Variants in ELAPOR1 observed in about 807,000 individuals in gnomAD.
The protein encoded by ELAPOR1 is endosome/lysosome-associated apoptosis and autophagy regulator 1.
A neutral mutation model predicts 119.7 loss-of-function variants in ELAPOR1; 77 were observed. That is an observed-to-expected ratio of 0.64 (90% CI 0.54 to 0.78). The LOEUF is 0.78. Among genes scored for constraint, ELAPOR1 ranks in the 30% least tolerant of loss-of-function variants. The pLI is 0.00. For synonymous variants in ELAPOR1, 481 were observed against 487.2 expected, an observed-to-expected ratio of 0.99 and a Z score of 0.17; for missense variants, 1,115 against 1,270.4, an observed-to-expected ratio of 0.88 and a Z score of 1.86.
At chr1:109,179,216 C>G (rs1242680546) in intron 7 of ELAPOR1, among the ~76,000 whole-genome samples, 1 of 151,566 alleles carries the variant, frequency 6.6e-6, no homozygotes, top group Non-Finnish European at 1.5e-5. Context: ...GCCTGGGCAA[C>G]ATGGTGAAAC....
intron 1 of ELAPOR1, among the ~76,000 whole-genome samples, chr1:109,149,031 C>T (rs1650359703): frequency 6.6e-6 from 1 of 152,100 alleles, no homozygotes; most frequent in Non-Finnish European, 1.5e-5. Context: ...TGTCAGCGAC[C>T]AGGGTTTCTC....
rs150398954 is a variant in ELAPOR1 at position 109,138,834 on chromosome 1, C to CAAAAAAAAAAAA, written c.154-23054_154-23043dup. 1.8e-3 allele frequency among the ~76,000 whole-genome samples: 197 copies of CAAAAAAAAAAAA among 107,260 alleles called. 6 individuals are homozygous for CAAAAAAAAAAAA. Among genetic ancestry groups the CAAAAAAAAAAAA allele is most frequent in the African/African-American group, 7.0e-3 (186 of 26,470 alleles). 70.4% of individuals were successfully genotyped at this position (107,260 alleles called of 152,430 possible). ...GGGCAACAAGAGTGAAACTCCATCTCAAAAAAAAAAAAAAAAAGAATCTTC... is the reference window on the plus strand; with the variant it reads ...GGGCAACAAGAGTGAAACTCCATCTCAAAAAAAAAAAAAAAAAAAAAAAAAAAAAGAATCTTC... On this transcript the variant is annotated intron_variant, in intron 1 of 21. Coordinates refer to ENST00000369939, the MANE Select transcript of ELAPOR1 (RefSeq NM_020775.5).
chr1:109,204,582 G>T lies in ELAPOR1; in HGVS notation c.*1570G>T. The T allele has an allele frequency of 6.6e-6, 1 of 152,382 alleles. No individual in the cohort carries two copies. The highest frequency in any genetic ancestry group is 1.5e-5 in the Non-Finnish European group (1 of 68,078). The allele number at this position is 152,382 out of a possible 1,614,324, so 9.4% of individuals were successfully genotyped here. A position where few individuals can be genotyped will look rare whatever the true frequency, so the allele number is the denominator to read the frequency against. ...GCACAAGGAGGCCAAGATTTTAATGGGGCACTTTAGGGGATACAGCCCACA... is the reference window on the plus strand; with the variant it reads ...GCACAAGGAGGCCAAGATTTTAATGTGGCACTTTAGGGGATACAGCCCACA... On this transcript the variant is annotated 3_prime_UTR_variant, in exon 22 of 22. Coordinates refer to ENST00000369939, the MANE Select transcript of ELAPOR1 (RefSeq NM_020775.5).
intron 1 of ELAPOR1, among the ~76,000 whole-genome samples, chr1:109,127,662 G>A (rs1648878395): frequency 6.6e-6 from 1 of 152,038 alleles, no homozygotes; most frequent in Non-Finnish European, 1.5e-5. Flanking sequence ...GAGCTTCTGG[G>A]CTCAAGTGAT....
chr1:109,194,337 C>CAG, intron 14 of ELAPOR1, 84 bp from the exon 15 acceptor site: 1 of 1,283,534 alleles, frequency 7.8e-7, no homozygotes, highest in Admixed American at 1.8e-5. Context: ...CGGGACCAGA[C>CAG]GGGGGAGAAA....
chr1:109,123,963 C>T (rs746894801), intron 1 of ELAPOR1, among the ~76,000 whole-genome samples: 13 of 151,832 alleles, frequency 8.6e-5, no homozygotes, highest in Non-Finnish European at 1.6e-4. Flanking sequence ...CCACCACGCC[C>T]AGCTAATTTT....
At chr1:109,191,284 A>C in intron 11 of ELAPOR1, 82 bp from the exon 12 acceptor site, 3 of 909,462 alleles carry the variant, frequency 3.3e-6, no homozygotes, top group Middle Eastern at 2.5e-4. Context: ...CCTGTCCCCC[A>C]GCAGACGCTC....
chr1:109,172,508 GC>G lies in ELAPOR1; in HGVS notation c.639del (p.Asn214MetfsTer8). 6.2e-7 allele frequency: 1 copy of G among 1,613,792 alleles called. No homozygotes were observed. The highest frequency in any genetic ancestry group is 1.1e-5 in the South Asian group (1 of 91,078). On this transcript the variant is annotated frameshift_variant, in exon 5 of 22. Coordinates refer to ENST00000369939, the MANE Select transcript of ELAPOR1 (RefSeq NM_020775.5). LOFTEE classifies it high-confidence loss of function. ...GTCAGGTTCAGAATGACCAGTGCCA[GC>G]CCAATGCAGATGACTCCAGGTGGAT... ...EFFVQNDQCQ[P>X]NADDSRWMKT...
At chr1:109,148,750 G>A (rs144489542) in intron 1 of ELAPOR1, among the ~76,000 whole-genome samples, 1 of 152,304 alleles carries the variant, frequency 6.6e-6, no homozygotes, top group East Asian at 1.9e-4. Flanking sequence ...TGACATGTAT[G>A]ATTAAAAGCT....
At position 109,203,055 on chromosome 1, in the gene ELAPOR1, C is replaced by G. The variant is rs760452491; in HGVS notation, c.*43C>G. ...ACCTGCCTCCTCACCTTGCATAGCA[C>G]CTTTGCAAGCCTGCGGCGATTTGGG... On this transcript the variant is annotated 3_prime_UTR_variant, in exon 22 of 22. Transcript: ENST00000369939. 1.0e-4 allele frequency: 142 copies of G among 1,367,142 alleles called. No homozygotes were observed. The highest frequency in any genetic ancestry group is 1.9e-4 in the Middle Eastern group (1 of 5,304). The allele number at this position is 1,367,142 out of a possible 1,614,324, so 84.7% of individuals were successfully genotyped here.
intron 1 of ELAPOR1, among the ~76,000 whole-genome samples, chr1:109,125,506 C>A (rs1648716348): frequency 1.3e-5 from 2 of 152,208 alleles, no homozygotes; most frequent in East Asian, 3.9e-4. Flanking sequence ...GATTCTCCTG[C>A]CTCAGCCTCC....
intron 1 of ELAPOR1, among the ~76,000 whole-genome samples, chr1:109,118,988 T>C (rs6667142): frequency 0.34 from 50,753 of 149,698 alleles, 10,584 homozygotes; most frequent in African/African-American, 0.59. Context: ...ACCTCCGCCT[T>C]CTGGGCTCAA....
Position 109,203,425 on chromosome 1 carries a change from T to A in ELAPOR1, c.*413T>A, listed in dbSNP as rs1370157668. The A allele has an allele frequency of 5.7e-6, 1 of 174,362 alleles. No homozygotes were observed. The highest frequency in any genetic ancestry group is 1.8e-4 in the East Asian group (1 of 5,410). 10.8% of individuals were successfully genotyped at this position (174,362 alleles called of 1,614,324 possible). On this transcript the variant is annotated 3_prime_UTR_variant, in exon 22 of 22. Coordinates refer to ENST00000369939, the MANE Select transcript of ELAPOR1 (RefSeq NM_020775.5). ...TCGCATGCCCTCAGCTCATGATCTC[T>A]TCAGGAGAGAGGCTGGGTGAGGAGG...
chr1:109,205,388 A>G lies in ELAPOR1; in HGVS notation c.*2376A>G, dbSNP rs1184873697. On this transcript the variant is annotated 3_prime_UTR_variant, in exon 22 of 22. Coordinates refer to ENST00000369939, the MANE Select transcript of ELAPOR1 (RefSeq NM_020775.5). ...GGCAATGGCTTTGTAAGAGTCAATGAGAACTAGAGCCAGGCTGTGGTCCCT... is the reference window on the plus strand; with the variant it reads ...GGCAATGGCTTTGTAAGAGTCAATGGGAACTAGAGCCAGGCTGTGGTCCCT... 1.3e-5 allele frequency: 2 copies of G among 152,252 alleles called. No individual in the cohort carries two copies. The highest frequency in any genetic ancestry group is 4.8e-5 in the African/African-American group (2 of 41,468). 9.4% of individuals were successfully genotyped at this position (152,252 alleles called of 1,614,324 possible).
At chr1:109,165,748 C>CTT (rs757259868) in intron 3 of ELAPOR1, among the ~76,000 whole-genome samples, 54,056 of 135,214 alleles carry the variant, frequency 0.4, 11,224 homozygotes, top group East Asian at 0.54. Flanking sequence ...TCTTCTTCTT[C>CTT]TTTTTTTTTT....
chr1:109,169,178 C>G (rs866178293), intron 3 of ELAPOR1, among the ~76,000 whole-genome samples: 1 of 152,138 alleles, frequency 6.6e-6, no homozygotes, highest in African/African-American at 2.4e-5. Context: ...TGAAAATAAC[C>G]ATGTTATTCT....
chr1:109,175,080 G>A (rs780534204), intron 7 of ELAPOR1, among the ~76,000 whole-genome samples: 8 of 152,186 alleles, frequency 5.3e-5, no homozygotes, highest in Admixed American at 1.3e-4. Flanking sequence ...GGCTGGTCTC[G>A]AACTCCTGAC....
chr1:109,201,016 G>A lies in ELAPOR1; in HGVS notation c.2973+116G>A, dbSNP rs11811095. On this transcript the variant is annotated intron_variant, in intron 21 of 21. Coordinates refer to ENST00000369939, the MANE Select transcript of ELAPOR1 (RefSeq NM_020775.5). ...GATGGGCACCCTGCTCCCCACGCCC[G>A]ATACAATTCCATTTCCCCACTCTGA... is the stretch of plus-strand genomic sequence containing the variant. 9.6e-4 allele frequency: 892 copies of A among 931,006 alleles called. 8 individuals carry two copies. The African/African-American group carries it at 0.013, about 14-fold the overall frequency. 57.7% of individuals were successfully genotyped at this position (931,006 alleles called of 1,614,324 possible). A position where few individuals can be genotyped will look rare whatever the true frequency, so the allele number is the denominator to read the frequency against.
At chr1:109,133,221 C>T (rs1239353403) in intron 1 of ELAPOR1, among the ~76,000 whole-genome samples, 2 of 151,984 alleles carry the variant, frequency 1.3e-5, no homozygotes, top group Non-Finnish European at 2.9e-5. Context: ...CAGAGCAAGA[C>T]CTTGTCTCAA....
Sources: allele counts gnomAD v4.1 joint callset (sites outside exome capture counted in the v4.1 genomes callset), GRCh38; gene constraint gnomAD v4.1.1; transcripts MANE v1.5; gene names NCBI Gene and HGNC (gene_info 2026-07-23, HGNC 2026-07-21).